The following ABCA6 variants were observed in gnomAD, a reference collection of about 807,000 sequenced individuals.
ABCA6 encodes ATP binding cassette subfamily A member 6, also known as ATP-binding cassette sub-family A member 6.
In ABCA6, 164 loss-of-function variants were observed where a neutral mutation model predicts 191.2. The ratio of observed to expected loss-of-function variants is 0.86; its 90% confidence interval spans 0.76 to 0.98. The LOEUF is 0.98. ABCA6 is among the 50% of genes least tolerant of loss of function. The pLI, the probability that ABCA6 is intolerant of heterozygous loss-of-function variation, is 0.00. For missense variants in ABCA6, 1,958 were observed against 1,894.1 expected (o/e 1.03, Z -0.63); for synonymous variants, 636 against 647.7 (o/e 0.98, Z 0.27).
intron 2 of ABCA6, among the ~76,000 whole-genome samples, chr17:69,139,785 A>C (rs1451909955): frequency 2.0e-5 from 3 of 152,098 alleles, no homozygotes; most frequent in Non-Finnish European, 2.9e-5. Flanking sequence ...TGATGAGTTC[A>C]TGTCCTTTGT....
Position 69,079,237 on chromosome 17 carries a change from G to A in ABCA6, c.4725C>T (p.Tyr1575=), listed in dbSNP as rs752826005. Residue 1575 remains tyrosine, a synonymous_variant, in exon 38 of 39, where the codon TAC becomes TAT. Transcript: ENST00000284425. The part of the protein sequence containing the change: ...AVKHNFNLEE[Y]SLSQCTLEKV... Reference sequence around the variant, plus strand: ...TCTCCAGTGTGCACTGAGAAAGGCTGTATTCTTCCAGGTTAAAGTTATGCT... The same window carrying A: ...TCTCCAGTGTGCACTGAGAAAGGCTATATTCTTCCAGGTTAAAGTTATGCT... 2 of 1,607,038 alleles carry A rather than the reference G, an allele frequency of 1.2e-6. No individual in the cohort carries two copies. Among genetic ancestry groups the A allele is most frequent in the South Asian group, 2.2e-5 (2 of 89,210 alleles).
intron 10 of ABCA6, among the ~76,000 whole-genome samples, chr17:69,122,112 T>C (rs1461412612): frequency 6.6e-6 from 1 of 152,108 alleles, no homozygotes; most frequent in African/African-American, 2.4e-5. Context: ...CCAGACTATC[T>C]GGATTACAAT....
At chr17:69,114,084 A>C (rs903669904) in intron 13 of ABCA6, among the ~76,000 whole-genome samples, 7 of 152,170 alleles carry the variant, frequency 4.6e-5, no homozygotes, top group African/African-American at 1.7e-4. Flanking sequence ...AAAGGATTAT[A>C]AATCATGCTG....
intron 36 of ABCA6, among the ~76,000 whole-genome samples, chr17:69,082,298 C>T (rs1434765504): frequency 3.3e-5 from 5 of 150,624 alleles, no homozygotes; most frequent in Non-Finnish European, 7.4e-5. Context: ...ACCTTCTTGC[C>T]CTCCCCCAAA....
intron 8 of ABCA6, among the ~76,000 whole-genome samples, chr17:69,127,063 G>A (rs148454725): frequency 5.2e-4 from 79 of 152,306 alleles, no homozygotes; most frequent in Middle Eastern, 3.4e-3. Flanking sequence ...GGATAGTCTA[G>A]TTGATAAATT....
intron 8 of ABCA6, among the ~76,000 whole-genome samples, chr17:69,125,676 G>T (rs994652258): frequency 6.6e-6 from 1 of 151,996 alleles, no homozygotes; most frequent in Non-Finnish European, 1.5e-5. Context: ...TACTCTTAGG[G>T]CCAGTTCCTT....
At chr17:69,108,692 G>A (rs2073356192) in intron 17 of ABCA6, 1 of 152,192 alleles carries the variant, frequency 6.6e-6, no homozygotes, top group Admixed American at 6.5e-5. Context: ...TAGTTTGGGT[G>A]GGAGGATGGG....
intron 16 of ABCA6, 100 bp downstream of exon 16, chr17:69,112,083 A>G: frequency 1.2e-6 from 1 of 849,706 alleles, no homozygotes; most frequent in Non-Finnish European, 2.0e-6. Context: ...CCAGTATGGT[A>G]GAGATGAAGC....
At chr17:69,120,699 C>A (rs1291244169) in intron 10 of ABCA6, among the ~76,000 whole-genome samples, 2 of 151,930 alleles carry the variant, frequency 1.3e-5, no homozygotes, top group Non-Finnish European at 2.9e-5. Context: ...AAAGAAAATT[C>A]CATTTAGGAG....
intron 16 of ABCA6, chr17:69,111,833 C>A (rs2073429319): frequency 5.7e-6 from 1 of 175,012 alleles, no homozygotes; most frequent in African/African-American, 2.4e-5. Context: ...TGCCTTTTTG[C>A]CCTATGAAAG....
intron 25 of ABCA6, chr17:69,095,127 T>G: frequency 4.8e-6 from 1 of 210,516 alleles, no homozygotes; most frequent in South Asian, 9.0e-5. Context: ...CAACCAAGTG[T>G]CAGTAAGACT....
intron 11 of ABCA6, among the ~76,000 whole-genome samples, chr17:69,116,665 T>C (rs1352205871): frequency 6.6e-6 from 1 of 152,094 alleles, no homozygotes; most frequent in Non-Finnish European, 1.5e-5. Context: ...ATCCATATAA[T>C]GGAATGGTAC....
intron 11 of ABCA6, among the ~76,000 whole-genome samples, 167 bp downstream of exon 11, chr17:69,117,731 T>C (rs2073562712): frequency 6.6e-6 from 1 of 152,070 alleles, no homozygotes; most frequent in African/African-American, 2.4e-5. Context: ...TCTGGAAGAA[T>C]TTTACAGCAT....
Position 69,083,249 on chromosome 17 carries a change from A to C in ABCA6, c.4438T>G (p.Cys1480Gly). Residue 1480 changes from cysteine (C) to glycine (G), a missense_variant, in exon 35 of 39, where the codon TGT becomes GGT. Transcript: ENST00000284425. ...THNLAEAEAL[C>G]DRVAIMVSGR... ...GACACCATGATGGCCACACGGTCACACAAGGCTTCCGCCTCAGCCAGGTTA... is the reference window on the plus strand; with the variant it reads ...GACACCATGATGGCCACACGGTCACCCAAGGCTTCCGCCTCAGCCAGGTTA... 1 of 1,610,156 alleles carries C rather than the reference A, an allele frequency of 6.2e-7. No homozygotes were observed. The highest frequency in any genetic ancestry group is 8.5e-7 in the Non-Finnish European group (1 of 1,178,918).
chr17:69,138,679 T>C (rs2073985131), intron 2 of ABCA6, among the ~76,000 whole-genome samples: 1 of 151,242 alleles, frequency 6.6e-6, no homozygotes, highest in South Asian at 2.1e-4. Flanking sequence ...GGCATCACAC[T>C]ACCTGACTTC....
chr17:69,134,489 A>T, intron 5 of ABCA6, 150 bp downstream of exon 5: 1 of 627,586 alleles, frequency 1.6e-6, no homozygotes, highest in Non-Finnish European at 2.7e-6. Flanking sequence ...AGCCTCCAGA[A>T]ATAAATTTCT....
At chr17:69,136,499 TAAAG>T (rs1465237605) in intron 3 of ABCA6, among the ~76,000 whole-genome samples, 2 of 152,136 alleles carry the variant, frequency 1.3e-5, no homozygotes, top group Non-Finnish European at 2.9e-5. Flanking sequence ...TTTAGGTACA[TAAAG>T]AAAAAATTGT....
At chr17:69,089,316 A>G (rs16973562) in intron 27 of ABCA6, 149 bp downstream of exon 27, 14,699 of 669,906 alleles carry the variant, frequency 0.022, 745 homozygotes, top group Admixed American at 0.13. Flanking sequence ...AAGTAACTCT[A>G]AGGTTTAGAA....
At chr17:69,093,596 G>T (rs916064313) in intron 25 of ABCA6, among the ~76,000 whole-genome samples, 8 of 152,096 alleles carry the variant, frequency 5.3e-5, no homozygotes, top group African/African-American at 1.7e-4. Flanking sequence ...AAAGTTGCTC[G>T]CTTTCTTTGT....
Sources: gnomAD v4.1 joint callset for allele counts (sites outside exome capture counted in the v4.1 genomes callset) on GRCh38, gnomAD v4.1.1 for gene constraint, MANE v1.5 for transcripts, NCBI Gene and HGNC (gene_info 2026-07-23, HGNC 2026-07-21) for gene names.